CALN1: variants seen among roughly 807,000 people sequenced by gnomAD.
CALN1 encodes calcium-binding protein 8.
A neutral mutation model predicts 30.6 loss-of-function variants in CALN1; 17 were observed. The ratio of observed to expected loss-of-function variants is 0.56; its 90% CI spans 0.38 to 0.83. The LOEUF (loss-of-function observed/expected upper bound fraction) is 0.83. Ranked by LOEUF, CALN1 falls within the 40% of genes least tolerant of loss-of-function variation. The pLI, the probability that CALN1 is intolerant of heterozygous loss-of-function variation, is 0.00. For synonymous variants in CALN1, 156 were observed against 131.4 expected (o/e 1.19, Z -1.28); for missense variants, 291 against 354.9 (o/e 0.82, Z 1.45).
chr7:72,404,738 T>A (rs1321966849), intron 1 of CALN1, among the ~76,000 whole-genome samples: 2 of 152,154 alleles, frequency 1.3e-5, no homozygotes, highest in African/African-American at 4.8e-5. Context: ...AAGTCAGCTC[T>A]TAGAAGATCA....
intron 5 of CALN1, among the ~76,000 whole-genome samples, chr7:71,872,892 G>C (rs1010010096): frequency 6.6e-5 from 10 of 151,844 alleles, no homozygotes; most frequent in African/African-American, 2.2e-4. Context: ...GAGATTACAA[G>C]CATGAGCCAC....
chr7:72,344,102 T>C (rs1034670345), intron 2 of CALN1, among the ~76,000 whole-genome samples: 2 of 152,134 alleles, frequency 1.3e-5, no homozygotes, highest in African/African-American at 2.4e-5. Flanking sequence ...TTGAGTGCAG[T>C]GGCTTGATTT....
chr7:72,465,854 C>A, the CALN1 span, among the ~76,000 whole-genome samples: 1 of 152,220 alleles, frequency 6.6e-6, no homozygotes, highest in African/African-American at 2.4e-5. Flanking sequence ...TCTCTTCAGC[C>A]TTCCAGGCTC....
intron 4 of CALN1, among the ~76,000 whole-genome samples, chr7:72,080,748 A>G (rs1410221323): frequency 1.3e-5 from 2 of 152,184 alleles, no homozygotes; most frequent in African/African-American, 4.8e-5. Context: ...GATAGGTCAG[A>G]GAACTGGGCA....
intron 4 of CALN1, among the ~76,000 whole-genome samples, chr7:72,028,058 C>CAAAAAAAAA (rs34092922): frequency 2.4e-5 from 2 of 82,754 alleles, no homozygotes; most frequent in Non-Finnish European, 5.4e-5. Context: ...GACTCCGTCT[C>CAAAAAAAAA]AAAAAAAAAA....
intron 5 of CALN1, among the ~76,000 whole-genome samples, chr7:71,897,958 A>AAAAAAAG (rs1793614030): frequency 1.6e-5 from 2 of 122,546 alleles, no homozygotes; most frequent in Non-Finnish European, 3.2e-5. Context: ...GTAGTGTTGG[A>AAAAAAAG]AAAAAACAAA....
intron 4 of CALN1, chr7:72,103,392 G>T: frequency 6.4e-6 from 1 of 155,468 alleles, no homozygotes. Context: ...GTGGTTGGGT[G>T]GAGCAGTCAT....
intron 4 of CALN1, among the ~76,000 whole-genome samples, chr7:72,068,682 G>A (rs1162170612): frequency 6.6e-6 from 1 of 152,130 alleles, no homozygotes; most frequent in Admixed American, 6.5e-5. Context: ...GCAGACATGG[G>A]GTTTCACCAG....
chr7:72,347,609 A>C (rs570619732), intron 2 of CALN1, among the ~76,000 whole-genome samples: 1 of 152,208 alleles, frequency 6.6e-6, no homozygotes, highest in Admixed American at 6.5e-5. Context: ...TCCTTCACAC[A>C]CACATACACC....
At chr7:72,184,100 T>C (rs1002996569) in intron 3 of CALN1, among the ~76,000 whole-genome samples, 1 of 152,186 alleles carries the variant, frequency 6.6e-6, no homozygotes, top group Non-Finnish European at 1.5e-5. Context: ...TTGACCAATC[T>C]CAGCAAATGA....
At chr7:71,825,905 C>T (rs920007827) in intron 5 of CALN1, among the ~76,000 whole-genome samples, 4 of 151,456 alleles carry the variant, frequency 2.6e-5, no homozygotes, top group African/African-American at 9.7e-5. Flanking sequence ...TGGTGGCAGG[C>T]GCCTGTGATC....
At chr7:72,393,440 G>C (rs1391224930) in intron 2 of CALN1, among the ~76,000 whole-genome samples, 1 of 152,074 alleles carries the variant, frequency 6.6e-6, no homozygotes, top group Non-Finnish European at 1.5e-5. Context: ...CTCCAGACTG[G>C]GAGAGAGAGC....
intron 2 of CALN1, among the ~76,000 whole-genome samples, chr7:72,382,875 A>G (rs538100996): frequency 5.3e-5 from 8 of 151,970 alleles, no homozygotes; most frequent in South Asian, 2.1e-4. Flanking sequence ...TGCAACCTCC[A>G]CCTCCCGGGT....
At chr7:72,123,598 T>C (rs763735197) in intron 3 of CALN1, among the ~76,000 whole-genome samples, 1 of 152,172 alleles carries the variant, frequency 6.6e-6, no homozygotes, top group African/African-American at 2.4e-5. Context: ...GTGGAAAGGA[T>C]TGAGACTGGC....
intron 2 of CALN1, among the ~76,000 whole-genome samples, chr7:72,391,731 G>A (rs1449841809): frequency 6.6e-6 from 1 of 152,014 alleles, no homozygotes; most frequent in Non-Finnish European, 1.5e-5. Context: ...TTTTGTTTTT[G>A]TTTTTGCCTG....
At chr7:71,857,601 C>G (rs981453139) in intron 5 of CALN1, among the ~76,000 whole-genome samples, 1 of 152,162 alleles carries the variant, frequency 6.6e-6, no homozygotes, top group African/African-American at 2.4e-5. Flanking sequence ...TCTCCTCCCC[C>G]TGTTCTCTTG....
At chr7:71,934,773 G>A (rs6970051) in intron 5 of CALN1, among the ~76,000 whole-genome samples, 21,100 of 152,202 alleles carry the variant, frequency 0.14, 1,848 homozygotes, top group Non-Finnish European at 0.19. Context: ...AAGAAAAAGA[G>A]GTTTAATGGA....
chr7:72,263,543 C>T (rs1187980615), intron 3 of CALN1, among the ~76,000 whole-genome samples: 1 of 151,972 alleles, frequency 6.6e-6, no homozygotes, highest in African/African-American at 2.4e-5. Context: ...CTATAGGTAC[C>T]CACCACCATG....
At chr7:72,276,803 AAT>A (rs1365213587) in intron 3 of CALN1, among the ~76,000 whole-genome samples, 1 of 152,072 alleles carries the variant, frequency 6.6e-6, no homozygotes, top group Non-Finnish European at 1.5e-5. Context: ...CCATCAGCCA[AAT>A]ATAGTTCTTT....
Sources: allele counts gnomAD v4.1 joint callset (sites outside exome capture counted in the v4.1 genomes callset), GRCh38; gene constraint gnomAD v4.1.1; transcripts MANE v1.5; gene names NCBI Gene and HGNC (gene_info 2026-07-23, HGNC 2026-07-21).